RAD51B: variants seen among roughly 807,000 people sequenced by gnomAD.
RAD51B encodes DNA repair protein RAD51 homolog 2.
A neutral mutation model predicts 42.2 loss-of-function variants in RAD51B; 38 were observed. The observed-to-expected ratio is 0.90, with a 90% CI of 0.70 to 1.18. RAD51B has a LOEUF of 1.18. Among genes scored for constraint, RAD51B ranks in the 50% most tolerant of loss-of-function variants. The pLI, the probability that RAD51B is intolerant of heterozygous loss-of-function variation, is 0.00. For synonymous variants in RAD51B, 154 were observed against 145.2 expected, an observed-to-expected ratio of 1.06 and a Z score of -0.43; for missense variants, 373 against 400.7, an observed-to-expected ratio of 0.93 and a Z score of 0.59.
At chr14:68,318,430 T>A (rs955514067) in intron 8 of RAD51B, among the ~76,000 whole-genome samples, 1 of 152,002 alleles carries the variant, frequency 6.6e-6, no homozygotes, top group Non-Finnish European at 1.5e-5. Flanking sequence ...TTGCTTAAAA[T>A]CCCTAGGGCC....
intron 9 of RAD51B, among the ~76,000 whole-genome samples, chr14:68,464,958 G>T (rs897766047): frequency 6.6e-6 from 1 of 152,134 alleles, no homozygotes; most frequent in Admixed American, 6.5e-5. Context: ...GATCCTTTTG[G>T]CTGGGGTTCA....
chr14:68,073,372 G>T lies in RAD51B; in HGVS notation c.756+186168G>T, dbSNP rs2140472496. On this transcript the variant is annotated intron_variant, in intron 7 of 10. Coordinates refer to ENST00000471583, the MANE Select transcript of RAD51B (RefSeq NM_133510.4). ...GCTCTTTTTTATTTTATGTTTGCTT[G>T]TTGGATCTTTCTCCATCCCTTTACT... Among the ~76,000 whole-genome samples the T allele has an allele frequency of 1.3e-5, 2 of 152,244 alleles. 1 individual carries two copies. The highest frequency in any genetic ancestry group is 4.1e-4 in the South Asian group (2 of 4,832).
intron 7 of RAD51B, among the ~76,000 whole-genome samples, chr14:68,187,303 G>A (rs776235567): frequency 6.6e-5 from 10 of 151,898 alleles, no homozygotes; most frequent in Non-Finnish European, 1.2e-4. Context: ...GCAAACCTCA[G>A]CATCACACTA....
intron 7 of RAD51B, among the ~76,000 whole-genome samples, chr14:68,188,675 C>T (rs2079205053): frequency 6.6e-6 from 1 of 152,140 alleles, no homozygotes; most frequent in Non-Finnish European, 1.5e-5. Context: ...AGGTGATGCT[C>T]CTCTGTTTTG....
At chr14:67,944,232 G>A in intron 7 of RAD51B, among the ~76,000 whole-genome samples, 1 of 144,446 alleles carries the variant, frequency 6.9e-6, no homozygotes. Context: ...TGACAGAGCT[G>A]GAGAATAATT....
intron 10 of RAD51B, among the ~76,000 whole-genome samples, chr14:68,560,577 A>T (rs1325115183): frequency 6.6e-6 from 1 of 152,160 alleles, no homozygotes; most frequent in Non-Finnish European, 1.5e-5. Context: ...CTCTACTAAA[A>T]ATACAAAAAT....
intron 4 of RAD51B, among the ~76,000 whole-genome samples, chr14:67,856,568 G>A (rs1033038101): frequency 9.9e-5 from 15 of 152,056 alleles, no homozygotes; most frequent in African/African-American, 3.6e-4. Context: ...TCAGAGCCAG[G>A]CATCCTTAAA....
intron 7 of RAD51B, among the ~76,000 whole-genome samples, chr14:68,128,897 G>A (rs979273543): frequency 1.3e-5 from 2 of 152,148 alleles, no homozygotes; most frequent in Non-Finnish European, 2.9e-5. Flanking sequence ...TACTCTGAAA[G>A]GTAATTTCCT....
chr14:68,116,720 A>G (rs1197475451), intron 7 of RAD51B, among the ~76,000 whole-genome samples: 1 of 152,202 alleles, frequency 6.6e-6, no homozygotes, highest in East Asian at 1.9e-4. Flanking sequence ...GCATCTGTGA[A>G]TACTTCCTGG....
chr14:68,185,468 AGACT>A (rs1232159065), intron 7 of RAD51B, among the ~76,000 whole-genome samples: 1 of 152,242 alleles, frequency 6.6e-6, no homozygotes, highest in Non-Finnish European at 1.5e-5. Flanking sequence ...CTGCTACTAC[AGACT>A]GATAGCAAAT....
intron 7 of RAD51B, among the ~76,000 whole-genome samples, chr14:68,214,544 TA>T (rs771195067): frequency 6.6e-6 from 1 of 152,092 alleles, no homozygotes; most frequent in East Asian, 1.9e-4. Context: ...CACGCATAAA[TA>T]AAAAAACTCC....
At chr14:68,025,043 T>G (rs967160675) in intron 7 of RAD51B, among the ~76,000 whole-genome samples, 46 of 152,192 alleles carry the variant, frequency 3.0e-4, no homozygotes, top group African/African-American at 1.1e-3. Flanking sequence ...CTGTTGAGGG[T>G]TTTTTTAATC....
rs74793525 is a variant in RAD51B, at chr14:67,956,695, A to G, written c.756+69491A>G. On this transcript the variant is annotated intron_variant, in intron 7 of 10. Transcript: ENST00000471583. ...AATATAATCAAACCAAGTCATGCAT[A>G]ATATCTTATATTCCTATTGTAACTA... is the stretch of plus-strand genomic sequence containing the variant. Among the ~76,000 whole-genome samples, 206 of 152,346 alleles carry G rather than the reference A, an allele frequency of 1.4e-3. 1 individual carries two copies. Among genetic ancestry groups the G allele is most frequent in the Non-Finnish European group, 2.5e-3 (168 of 68,028 alleles).
At position 67,950,211 on chromosome 14, in the gene RAD51B, T is replaced by TC. The variant is rs892596932; in HGVS notation, c.756+63013dup. ...GCTATGAAAGTCTGAGGTGGCATTT[T>TC]CCCCCCACCTAGTGTGAGGCTGTTT... On this transcript the variant is annotated intron_variant, in intron 7 of 10. Coordinates refer to ENST00000471583, the MANE Select transcript of RAD51B (RefSeq NM_133510.4). Among the ~76,000 whole-genome samples the TC allele has an allele frequency of 8.1e-4, 123 of 152,232 alleles. 2 individuals carry two copies. Among genetic ancestry groups the TC allele is most frequent in the Non-Finnish European group, 3.7e-4 (25 of 67,984 alleles).
intron 7 of RAD51B, among the ~76,000 whole-genome samples, chr14:68,270,119 A>G (rs2081076357): frequency 6.6e-6 from 1 of 152,242 alleles, no homozygotes; most frequent in South Asian, 2.1e-4. Context: ...AACTTCCATT[A>G]GTCTCACTAG....
rs552504189 is a variant in RAD51B, at chr14:68,148,870, G to A, written c.757-143014G>A. 5.9e-5 allele frequency among the ~76,000 whole-genome samples: 9 copies of A among 152,332 alleles called. No homozygotes were observed. In the South Asian group the frequency reaches 1.4e-3, roughly 25 times the overall value. On this transcript the variant is annotated intron_variant, in intron 7 of 10. Transcript: ENST00000471583. ...GCATGTTTAAGATAGGCTAAGCCAA[G>A]TAAGATATGATGTTCTGTAGGTTAG...
chr14:68,668,775 A>G (rs1406620298), intron 11 of RAD51B, among the ~76,000 whole-genome samples: 1 of 152,250 alleles, frequency 6.6e-6, no homozygotes, highest in Non-Finnish European at 1.5e-5. Context: ...ATCGCTGGTT[A>G]AATGACCTCA....
intron 9 of RAD51B, among the ~76,000 whole-genome samples, chr14:68,438,785 C>T (rs1456303793): frequency 6.6e-6 from 1 of 152,136 alleles, no homozygotes; most frequent in African/African-American, 2.4e-5. Context: ...TTCAGTAAAG[C>T]GCCTGAGCTG....
At chr14:68,536,109 G>A (rs1265478588) in intron 10 of RAD51B, among the ~76,000 whole-genome samples, 1 of 152,164 alleles carries the variant, frequency 6.6e-6, no homozygotes, top group Non-Finnish European at 1.5e-5. Flanking sequence ...GTCTGGTCAG[G>A]ACACTCCACT....
Sources: allele counts gnomAD v4.1 joint callset (sites outside exome capture counted in the v4.1 genomes callset), GRCh38; gene constraint gnomAD v4.1.1; transcripts MANE v1.5; gene names NCBI Gene and HGNC (gene_info 2026-07-23, HGNC 2026-07-21).